MAP4K3: variants seen among roughly 807,000 people sequenced by gnomAD.
The protein encoded by MAP4K3 is MAPK/ERK kinase kinase kinase 3.
Under a neutral mutation model 143.5 loss-of-function variants are expected in MAP4K3, and 94 were observed. The observed-to-expected ratio is 0.65, with a 90% CI of 0.55 to 0.78. MAP4K3 has a LOEUF of 0.78. Among genes scored for constraint, MAP4K3 ranks in the 30% least tolerant of loss-of-function variants. MAP4K3 has a pLI of 0.00. For synonymous variants in MAP4K3, 416 were observed against 347.2 expected (o/e 1.20, Z -2.20); for missense variants, 1,077 against 1,068.1 (o/e 1.01, Z -0.12).
intron 6 of MAP4K3, among the ~76,000 whole-genome samples, chr2:39,335,989 G>A (rs1376531660): frequency 6.6e-6 from 1 of 151,922 alleles, no homozygotes; most frequent in Non-Finnish European, 1.5e-5. Flanking sequence ...AAGGGGAAGA[G>A]AGAAATATGA....
At chr2:39,316,752 A>G (rs1683124282) in intron 12 of MAP4K3, among the ~76,000 whole-genome samples, 1 of 152,168 alleles carries the variant, frequency 6.6e-6, no homozygotes, top group South Asian at 2.1e-4. Flanking sequence ...AAACGGTATT[A>G]CATTTACTAG....
intron 1 of MAP4K3, among the ~76,000 whole-genome samples, chr2:39,419,385 CCT>C (rs763711088): frequency 6.6e-6 from 1 of 152,040 alleles, no homozygotes; most frequent in Non-Finnish European, 1.5e-5. Flanking sequence ...TTAAATTTCA[CCT>C]TTTTATATTA....
intron 33 of MAP4K3, among the ~76,000 whole-genome samples, chr2:39,251,340 C>T (rs1209435136): frequency 6.6e-6 from 1 of 152,244 alleles, no homozygotes; most frequent in East Asian, 1.9e-4. Context: ...AACTCCTCTA[C>T]ATTCCTATGT....
chr2:39,274,234 T>TG (rs1209474823), intron 24 of MAP4K3, among the ~76,000 whole-genome samples: 2 of 151,638 alleles, frequency 1.3e-5, no homozygotes, highest in Non-Finnish European at 2.9e-5. Flanking sequence ...TTTTTTTTTT[T>TG]GAGATGGAGT....
chr2:39,262,206 G>T (rs1025188722), intron 28 of MAP4K3, among the ~76,000 whole-genome samples: 1 of 152,116 alleles, frequency 6.6e-6, no homozygotes, highest in African/African-American at 2.4e-5. Context: ...GGTGCAACGG[G>T]GGATATCCTA....
chr2:39,348,131 T>C (rs550804902), intron 3 of MAP4K3, among the ~76,000 whole-genome samples: 26 of 152,252 alleles, frequency 1.7e-4, no homozygotes, highest in African/African-American at 6.3e-4. Flanking sequence ...GTGTTTCAAT[T>C]CCATCTTAAT....
At chr2:39,367,376 T>C (rs1450095798) in intron 2 of MAP4K3, among the ~76,000 whole-genome samples, 6 of 151,692 alleles carry the variant, frequency 4.0e-5, no homozygotes, top group East Asian at 1.9e-4. Flanking sequence ...ACCTCATCTG[T>C]AGAAAAATTA....
intron 16 of MAP4K3, 68 bp from the exon 17 acceptor site, chr2:39,293,336 T>C (rs577144672): frequency 2.9e-6 from 3 of 1,045,810 alleles, no homozygotes; most frequent in South Asian, 3.0e-5. Flanking sequence ...AATGTGTTTT[T>C]ATCATTTTAA....
At chr2:39,276,168 G>A (rs1019820323) in intron 24 of MAP4K3, among the ~76,000 whole-genome samples, 2 of 152,104 alleles carry the variant, frequency 1.3e-5, no homozygotes, top group Non-Finnish European at 1.5e-5. Context: ...CACCACGGCC[G>A]GCCTTGTAAT....
At chr2:39,339,354 A>AAC (rs1665075081) in intron 4 of MAP4K3, among the ~76,000 whole-genome samples, 1 of 152,254 alleles carries the variant, frequency 6.6e-6, no homozygotes, top group South Asian at 2.1e-4. Flanking sequence ...ATAATCTGAA[A>AAC]ACCCTGAAAA....
At chr2:39,435,413 T>C (rs2148643065) in intron 1 of MAP4K3, among the ~76,000 whole-genome samples, 2 of 152,298 alleles carry the variant, frequency 1.3e-5, no homozygotes, top group East Asian at 3.9e-4. Context: ...ACAGGCCTTC[T>C]TTCACATCGG....
At chr2:39,386,449 C>T (rs889235889) in intron 1 of MAP4K3, among the ~76,000 whole-genome samples, 10 of 152,130 alleles carry the variant, frequency 6.6e-5, no homozygotes, top group African/African-American at 2.4e-4. Context: ...ATGAATTGTG[C>T]TTTTGGTATC....
chr2:39,384,690 T>C (rs1047096875), intron 1 of MAP4K3, among the ~76,000 whole-genome samples: 3 of 152,210 alleles, frequency 2.0e-5, no homozygotes, highest in Non-Finnish European at 4.4e-5. Flanking sequence ...ATGTGGCCAG[T>C]GCAAGTGAAA....
At chr2:39,428,726 T>C (rs571198984) in intron 1 of MAP4K3, among the ~76,000 whole-genome samples, 50 of 152,148 alleles carry the variant, frequency 3.3e-4, no homozygotes, top group African/African-American at 1.1e-3. Context: ...GATATCTTTT[T>C]AAATAGTCAT....
intron 15 of MAP4K3, chr2:39,303,001 A>C: frequency 6.0e-6 from 1 of 166,986 alleles, no homozygotes; most frequent in Admixed American, 6.5e-5. Context: ...GCACCGGAAA[A>C]GGAAAAGCAT....
At chr2:39,390,011 G>C (rs1195943135) in intron 1 of MAP4K3, among the ~76,000 whole-genome samples, 1 of 152,178 alleles carries the variant, frequency 6.6e-6, no homozygotes, top group Admixed American at 6.5e-5. Context: ...GACAGAGTTA[G>C]TGAATAATTT....
At chr2:39,400,475 T>A (rs1176604007) in intron 1 of MAP4K3, among the ~76,000 whole-genome samples, 2 of 152,194 alleles carry the variant, frequency 1.3e-5, no homozygotes, top group Non-Finnish European at 2.9e-5. Flanking sequence ...TTTTCTTTTT[T>A]ACATATCTTG....
intron 15 of MAP4K3, among the ~76,000 whole-genome samples, chr2:39,306,226 T>C (rs1305549843): frequency 1.3e-5 from 2 of 152,240 alleles, no homozygotes; most frequent in Non-Finnish European, 1.5e-5. Flanking sequence ...AAAAATTTGA[T>C]TGTGTTGTCT....
chr2:39,413,903 A>C (rs903630044), intron 1 of MAP4K3, among the ~76,000 whole-genome samples: 15 of 152,132 alleles, frequency 9.9e-5, no homozygotes, highest in African/African-American at 3.6e-4. Flanking sequence ...TATATTCCGA[A>C]AGTACATTAT....
Sources: gnomAD v4.1 joint callset for allele counts (sites outside exome capture counted in the v4.1 genomes callset) on GRCh38, gnomAD v4.1.1 for gene constraint, MANE v1.5 for transcripts, NCBI Gene and HGNC (gene_info 2026-07-23, HGNC 2026-07-21) for gene names.